The following ZSCAN5A variants were observed in gnomAD, a reference collection of about 807,000 sequenced individuals.
ZSCAN5A encodes zinc finger and SCAN domain containing 5A.
Under a neutral mutation model 23.7 loss-of-function variants are expected in ZSCAN5A, and 12 were observed. The observed-to-expected ratio is 0.51, with a 90% CI of 0.32 to 0.82. The LOEUF (loss-of-function observed/expected upper bound fraction) is 0.82. ZSCAN5A is among the 40% of genes least tolerant of loss of function. The probability of loss-of-function intolerance (pLI) is 0.03; values close to 1 mark genes in which losing one functional copy is unlikely to be tolerated. For synonymous variants in ZSCAN5A, 257 were observed against 239.9 expected (o/e 1.07, Z -0.66); for missense variants, 597 against 617.9 (o/e 0.97, Z 0.36).
At chr19:56,288,536 T>G (rs1172987815) in intron 2 of ZSCAN5A, among the ~76,000 whole-genome samples, 2 of 152,220 alleles carry the variant, frequency 1.3e-5, no homozygotes, top group African/African-American at 4.8e-5. Context: ...GCTTTTGCTG[T>G]CTGCTTCTCT....
chr19:56,299,281 G>A (rs2040077543), intron 2 of ZSCAN5A, among the ~76,000 whole-genome samples: 1 of 151,802 alleles, frequency 6.6e-6, no homozygotes, highest in African/African-American at 2.4e-5. Context: ...ACAGGCACGA[G>A]ACACCACACC....
chr19:56,222,244 G>A lies in ZSCAN5A; in HGVS notation c.822C>T (p.Ala274=), dbSNP rs756662052. ...TCGAAGCTTCTCTCTCCACAACGCA[G>A]GCAGAAGGTGTGTCAGCATCCACAT... ...VENVDADTPS[A]CVVEREASTH... Residue 274 remains alanine (A), a synonymous_variant, in exon 6 of 6, where the codon GCC becomes GCT. Coordinates refer to ENST00000683990, the MANE Select transcript of ZSCAN5A (RefSeq NM_001322064.3). 6.2e-7 allele frequency: 1 copy of A among 1,613,772 alleles called. No individual in the cohort carries two copies. Among genetic ancestry groups the A allele is most frequent in the African/African-American group, 1.3e-5 (1 of 74,894 alleles).
chr19:56,319,809 G>C, upstream of ZSCAN5A: 1 of 777,114 alleles, frequency 1.3e-6, no homozygotes, highest in Non-Finnish European at 2.4e-6. Context: ...ACTGGAATTG[G>C]GACTCTTCTG....
At chr19:56,233,439 A>C (rs1008973888) in intron 2 of ZSCAN5A, among the ~76,000 whole-genome samples, 6 of 152,070 alleles carry the variant, frequency 3.9e-5, no homozygotes, top group East Asian at 1.9e-4. Flanking sequence ...AGATGATTGG[A>C]TATTACAGCT....
intron 2 of ZSCAN5A, among the ~76,000 whole-genome samples, chr19:56,237,333 G>A (rs1385248813): frequency 1.3e-5 from 2 of 152,044 alleles, no homozygotes; most frequent in Non-Finnish European, 2.9e-5. Flanking sequence ...TGCTGAGGAG[G>A]ATCCACACCG....
At chr19:56,237,982 CACAT>C (rs1168365956) in intron 2 of ZSCAN5A, among the ~76,000 whole-genome samples, 1 of 84,172 alleles carries the variant, frequency 1.2e-5, no homozygotes, top group African/African-American at 4.5e-5. Flanking sequence ...CGGACACACA[CACAT>C]ACACACATAC....
chr19:56,285,748 G>A (rs2039065837), intron 2 of ZSCAN5A, among the ~76,000 whole-genome samples: 1 of 152,060 alleles, frequency 6.6e-6, no homozygotes, highest in Admixed American at 6.6e-5. Context: ...CAAAGTGCTG[G>A]GATTACAGGC....
intron 2 of ZSCAN5A, among the ~76,000 whole-genome samples, chr19:56,236,708 C>T (rs563873872): frequency 1.5e-4 from 20 of 130,100 alleles, no homozygotes; most frequent in African/African-American, 4.1e-4. Flanking sequence ...CTCTGATGGA[C>T]GGTGGGCCAC....
chr19:56,341,714 A>AAC (rs1017165410), intron 2 of ZSCAN5A, among the ~76,000 whole-genome samples: 1 of 150,646 alleles, frequency 6.6e-6, no homozygotes, highest in Non-Finnish European at 1.5e-5. Flanking sequence ...AAAAAAAAAA[A>AAC]AAAAAAAAAA....
At chr19:56,251,453 A>T (rs1044444109) in intron 2 of ZSCAN5A, among the ~76,000 whole-genome samples, 1 of 152,156 alleles carries the variant, frequency 6.6e-6, no homozygotes, top group Non-Finnish European at 1.5e-5. Context: ...TCAGAGTCCA[A>T]TGAAGAGAAA....
intron 1 of ZSCAN5A, chr19:56,314,372 A>G (rs920348401): frequency 6.6e-6 from 1 of 152,154 alleles, no homozygotes; most frequent in Non-Finnish European, 1.5e-5. Flanking sequence ...ATCGGGAGGG[A>G]AGGAAAAAAG....
chr19:56,308,005 TC>T (rs1297483173), intron 2 of ZSCAN5A, among the ~76,000 whole-genome samples: 1 of 152,120 alleles, frequency 6.6e-6, no homozygotes, highest in Non-Finnish European at 1.5e-5. Context: ...CTTCTCTTGA[TC>T]CCCCCACCCA....
At chr19:56,319,601 G>A (rs1250059934), upstream of ZSCAN5A, among the ~76,000 whole-genome samples, 1 of 151,874 alleles carries the variant, frequency 6.6e-6, no homozygotes, top group Non-Finnish European at 1.5e-5. Flanking sequence ...TCTGGGATTG[G>A]TGAAGGACCG....
chr19:56,293,244 C>T (rs1363395850), intron 2 of ZSCAN5A, among the ~76,000 whole-genome samples: 1 of 152,172 alleles, frequency 6.6e-6, no homozygotes, highest in African/African-American at 2.4e-5. Flanking sequence ...CCCAAGTCAT[C>T]GTCCTTGTTT....
intron 2 of ZSCAN5A, chr19:56,322,170 C>G (rs111319269): frequency 2.5e-6 from 2 of 799,544 alleles, no homozygotes; most frequent in Non-Finnish European, 4.5e-6. Flanking sequence ...TTAACAGGTT[C>G]TGAAATGCAG....
intron 2 of ZSCAN5A, chr19:56,321,676 C>A (rs2147423995): frequency 7.6e-7 from 1 of 1,323,182 alleles, no homozygotes; most frequent in South Asian, 1.2e-5. Context: ...TTCCTCCTAC[C>A]AGTTTGTCCT....
At chr19:56,228,629 A>G (rs2146458455) in intron 2 of ZSCAN5A, among the ~76,000 whole-genome samples, 1 of 152,302 alleles carries the variant, frequency 6.6e-6, no homozygotes, top group African/African-American at 2.4e-5. Flanking sequence ...ACATGTTAAG[A>G]GCTGGTGGAT....
intron 2 of ZSCAN5A, among the ~76,000 whole-genome samples, chr19:56,359,500 C>T (rs574378253): frequency 6.6e-6 from 1 of 152,260 alleles, no homozygotes; most frequent in South Asian, 2.1e-4. Flanking sequence ...ACTGGAGGTG[C>T]AAAGAGGAGC....
intron 2 of ZSCAN5A, among the ~76,000 whole-genome samples, chr19:56,335,355 C>A (rs1407841559): frequency 6.6e-6 from 1 of 152,034 alleles, no homozygotes; most frequent in Non-Finnish European, 1.5e-5. Context: ...ATAATGGAAC[C>A]AATTTGGAAA....
Sources: allele counts gnomAD v4.1 joint callset (sites outside exome capture counted in the v4.1 genomes callset), GRCh38; gene constraint gnomAD v4.1.1; transcripts MANE v1.5; gene names NCBI Gene and HGNC (gene_info 2026-07-23, HGNC 2026-07-21).